The following ZNF154 variants were observed in gnomAD, a reference collection of about 807,000 sequenced individuals.
The protein encoded by ZNF154 is zinc finger protein 154 (pHZ-92).
Under a neutral mutation model 7.5 loss-of-function variants are expected in ZNF154, and 6 were observed. The ratio of observed to expected loss-of-function variants is 0.80; its 90% confidence interval spans 0.44 to 1.57. The LOEUF (loss-of-function observed/expected upper bound fraction) is 1.57, where lower values mean the gene tolerates loss of function less well. ZNF154 is among the 40% of genes most tolerant of loss of function. The pLI is 0.01. For synonymous variants in ZNF154, 187 were observed against 185.9 expected (o/e 1.01, Z -0.05); for missense variants, 485 against 531.4 (o/e 0.91, Z 0.86).
chr19:57,701,747 A>G lies in ZNF154; in HGVS notation c.1202T>C (p.Ile401Thr), dbSNP rs755377909. The G allele has an allele frequency of 1.9e-6, 3 of 1,614,138 alleles. No individual in the cohort carries two copies. The highest frequency in any genetic ancestry group is 2.5e-6 in the Non-Finnish European group (3 of 1,180,010). The change falls in exon 3 of 3, where the codon ATT becomes ACT. Residue 401 changes from isoleucine to threonine, a missense_variant. Physicochemically the swap from Ile to Thr is moderately conservative, Grantham distance 89. Transcript: ENST00000684351. ...GKSFTQNSGL[I>T]KHRRVHTGEK... ...CCCAGTGTGAACCCTCCTGTGCTTAATGAGGCCGGAATTTTGAGTAAAGGA... is the reference window on the plus strand; with the variant it reads ...CCCAGTGTGAACCCTCCTGTGCTTAGTGAGGCCGGAATTTTGAGTAAAGGA...
intron 1 of ZNF154, among the ~76,000 whole-genome samples, chr19:57,707,844 C>T (rs1188462315): frequency 6.6e-6 from 1 of 152,212 alleles, no homozygotes; most frequent in Non-Finnish European, 1.5e-5. Context: ...GGGAACACCT[C>T]AGTATAACCC....
intron 1 of ZNF154, among the ~76,000 whole-genome samples, chr19:57,706,507 C>T (rs1206825080): frequency 1.3e-5 from 2 of 152,208 alleles, no homozygotes; most frequent in African/African-American, 2.4e-5. Context: ...ACACCCTAGG[C>T]CCCATCAAAG....
chr19:57,705,544 A>G (rs1985350436), intron 1 of ZNF154, among the ~76,000 whole-genome samples: 1 of 152,142 alleles, frequency 6.6e-6, no homozygotes, highest in African/African-American at 2.4e-5. Flanking sequence ...TCACGAGGTC[A>G]GGAGTTCAAG....
At chr19:57,707,180 C>T (rs1042493233) in intron 1 of ZNF154, among the ~76,000 whole-genome samples, 1 of 151,464 alleles carries the variant, frequency 6.6e-6, no homozygotes, top group Admixed American at 6.6e-5. Context: ...CCTTAGTCCA[C>T]ACAATGACCA....
rs781064572 is a variant in ZNF154 at position 57,704,970 on chromosome 19, T to C, written c.43A>G (p.Thr15Ala). 1.2e-6 allele frequency: 2 copies of C among 1,610,668 alleles called. No homozygotes were observed. Among genetic ancestry groups the C allele is most frequent in the South Asian group, 2.2e-5 (2 of 90,718 alleles). ...TLRTPTQGTV[T>A]FEDVAVHFSW... ...AAGTGTACGGCCACATCTTCAAAGG[T>C]CACAGTGCCCTGCCACAATGGGAAC... is the stretch of plus-strand genomic sequence containing the variant. Residue 15 changes from threonine (T) to alanine (A), a missense_variant, in exon 2 of 3, where the codon ACC becomes GCC. Thr to Ala is a moderately conservative substitution (Grantham distance 58). Transcript: ENST00000684351.
intron 2 of ZNF154, among the ~76,000 whole-genome samples, chr19:57,704,321 C>G (rs1985300478): frequency 6.6e-6 from 1 of 152,154 alleles, no homozygotes; most frequent in African/African-American, 2.4e-5. Context: ...GAAGAAAGAA[C>G]AGAAGAGCAG....
chr19:57,708,798 G>T, intron 1 of ZNF154, 141 bp downstream of exon 1: 1 of 1,120,084 alleles, frequency 8.9e-7, no homozygotes, highest in South Asian at 1.5e-5. Flanking sequence ...GTCACACGCA[G>T]TGTCAAAAAA....
In ZNF154 at chr19:57,701,522, G is replaced by A. The variant is rs1033979305; in HGVS notation, c.*113C>T. 3 of 1,139,968 alleles carry A rather than the reference G, an allele frequency of 2.6e-6. No homozygotes were observed. Among genetic ancestry groups the A allele is most frequent in the Non-Finnish European group, 3.7e-6 (3 of 809,590 alleles). The allele number at this position is 1,139,968 out of a possible 1,614,324, so 70.6% of individuals were successfully genotyped here. A position where few individuals can be genotyped will look rare whatever the true frequency, so the allele number is the denominator to read the frequency against. On this transcript the variant is annotated 3_prime_UTR_variant, in exon 3 of 3. Transcript: ENST00000684351. ...AAAGTGTCTTTCCCTTGTGAACTGT[G>A]TGGCACTCAATGAGATATGGCCTTC...
At position 57,702,577 on chromosome 19, in the gene ZNF154, G is replaced by A. The variant is rs201612246; in HGVS notation, c.372C>T (p.Ala124=). The A allele has an allele frequency of 2.4e-5, 39 of 1,613,950 alleles. No individual in the cohort carries two copies. The East Asian group carries it at 8.7e-4, about 36-fold the overall frequency. Residue 124 remains alanine, a synonymous_variant, in exon 3 of 3, where the codon GCC becomes GCT. Coordinates refer to ENST00000684351, the MANE Select transcript of ZNF154 (RefSeq NM_001085384.3). ...EQSNSKSDGG[A]ISHRGKTHYN... ...AATGAGTTTTTCCTCTGTGACTGAT[G>A]GCCCCACCGTCGCTTTTGCTATTTG...
rs1046642950 is a variant in ZNF154, at chr19:57,697,587, T to C, written c.*4048A>G. The C allele has an allele frequency of 6.6e-6, 1 of 152,344 alleles. No individual in the cohort carries two copies. The highest frequency in any genetic ancestry group is 1.5e-5 in the Non-Finnish European group (1 of 68,032). The allele number at this position is 152,344 out of a possible 1,614,324, so 9.4% of individuals were successfully genotyped here. On this transcript the variant is annotated 3_prime_UTR_variant, in exon 3 of 3. Transcript: ENST00000684351. The stretch of plus-strand genomic sequence containing the variant: ...TAAAATATTTACATTTTAAAATATA[T>C]TTGTGTGATTTTTTGGGGGGTTATA...
Position 57,698,475 on chromosome 19 carries a change from A to G in ZNF154, c.*3160T>C, listed in dbSNP as rs567708913. On this transcript the variant is annotated 3_prime_UTR_variant, in exon 3 of 3. Transcript: ENST00000684351. ...AGGATGCTATCAGCAACTCTTCCCA[A>G]TTCTACATTCAGTAACATGTTGGCA... 141 of 152,320 alleles carry G rather than the reference A, an allele frequency of 9.3e-4. No individual in the cohort carries two copies. Among genetic ancestry groups the G allele is most frequent in the African/African-American group, 3.4e-3 (141 of 41,570 alleles). The allele number at this position is 152,320 out of a possible 1,614,324, so 9.4% of individuals were successfully genotyped here.
At position 57,702,397 on chromosome 19, in the gene ZNF154, A is replaced by G. The variant is rs778413433; in HGVS notation, c.552T>C (p.Thr184=). ...YSLNDHWRLH[T]GEKPYECREC... ...CTCGACATTCATAAGGCTTTTCTCC[A>G]GTGTGAAGTCTCCAATGGTCATTGA... The change falls in exon 3 of 3, where the codon ACT becomes ACC. Residue 184 remains threonine (T), a synonymous_variant. Transcript: ENST00000684351. 3.1e-6 allele frequency: 5 copies of G among 1,612,640 alleles called. No individual in the cohort carries two copies. The highest frequency in any genetic ancestry group is 1.7e-5 in the Admixed American group (1 of 59,958).
In ZNF154 at chr19:57,697,582, A is replaced by G. The variant is rs1487044493; in HGVS notation, c.*4053T>C. On this transcript the variant is annotated 3_prime_UTR_variant, in exon 3 of 3. Transcript: ENST00000684351. ...AGCGATAAAATATTTACATTTTAAA[A>G]TATATTTGTGTGATTTTTTGGGGGG... The G allele has an allele frequency of 6.6e-6, 1 of 152,212 alleles. No homozygotes were observed. The highest frequency in any genetic ancestry group is 2.4e-5 in the African/African-American group (1 of 41,456). The allele number at this position is 152,212 out of a possible 1,614,324, so 9.4% of individuals were successfully genotyped here. A position where few individuals can be genotyped will look rare whatever the true frequency, so the allele number is the denominator to read the frequency against.
Position 57,701,470 on chromosome 19 carries a change from A to G in ZNF154, c.*165T>C. 1.4e-6 allele frequency: 1 copy of G among 721,118 alleles called. No homozygotes were observed. The highest frequency in any genetic ancestry group is 2.7e-5 in the East Asian group (1 of 36,798). The allele number at this position is 721,118 out of a possible 1,614,324, so 44.7% of individuals were successfully genotyped here. On this transcript the variant is annotated 3_prime_UTR_variant, in exon 3 of 3. Transcript: ENST00000684351. Reference sequence around the variant, plus strand: ...ATAAGGGATCTCCTTCAGAGCTGTTATATCAACTGGACATCCCTACATATC... The same window carrying G: ...ATAAGGGATCTCCTTCAGAGCTGTTGTATCAACTGGACATCCCTACATATC...
chr19:57,702,829 A>G (rs1391404810), intron 2 of ZNF154, 41 bp from the exon 3 acceptor site: 10 of 1,556,108 alleles, frequency 6.4e-6, no homozygotes, highest in South Asian at 3.6e-5. Context: ...CCCCACCTCT[A>G]TATAATTTCT....
chr19:57,702,635 A>C lies in ZNF154; in HGVS notation c.314T>G (p.Leu105Arg), dbSNP rs950313810. The change falls in exon 3 of 3, where the codon CTC (leucine) becomes CGC (arginine). Residue 105 changes from leucine to arginine, a missense_variant. Leu to Arg is a moderately radical substitution (Grantham distance 102, BLOSUM62 -2). Transcript: ENST00000684351. The stretch of plus-strand genomic sequence containing the variant: ...CCCAGTGTGAGCAGCCTGTTGATGG[A>C]GAAATCCCAACTTGGCCAGGAAGTC... ...GKDFLAKLGF[L>R]HQQAAHTGEQ... is the part of the protein sequence containing the mutation. 3 of 1,613,328 alleles carry C rather than the reference A, an allele frequency of 1.9e-6. No individual in the cohort carries two copies. The highest frequency in any genetic ancestry group is 2.5e-6 in the Non-Finnish European group (3 of 1,179,720).
In ZNF154 at chr19:57,702,033, A is replaced by G. The variant is rs762447157; in HGVS notation, c.916T>C (p.Cys306Arg). Residue 306 changes from cysteine (C) to arginine (R), a missense_variant, in exon 3 of 3, where the codon TGT becomes CGT. Transcript: ENST00000684351. ...GAGTTTTGGCTAAATGACTTCCCAC[A>G]TTCGCTGCACTCATAAGGCCTGGAT... ...SGSRPYECSECGKSFSQNSSL... is the reference protein window; with the variant it reads ...SGSRPYECSERGKSFSQNSSL... 1.9e-6 allele frequency: 3 copies of G among 1,613,964 alleles called. No homozygotes were observed. The highest frequency in any genetic ancestry group is 2.2e-5 in the South Asian group (2 of 91,072).
intron 2 of ZNF154, among the ~76,000 whole-genome samples, chr19:57,703,705 A>G (rs1410444936): frequency 6.6e-6 from 1 of 151,934 alleles, no homozygotes; most frequent in East Asian, 2.0e-4. Flanking sequence ...GCTGGCCTTC[A>G]AGGACTGTTT....
chr19:57,701,296 G>A lies in ZNF154; in HGVS notation c.*339C>T. On this transcript the variant is annotated 3_prime_UTR_variant, in exon 3 of 3. Transcript: ENST00000684351. ...TGGTGGTCACCTGCCAGGCAGTAGA[G>A]GTAAAATGGCTTCCACTATAGTATC... 1 of 272,666 alleles carries A rather than the reference G, an allele frequency of 3.7e-6. No homozygotes were observed. The allele number at this position is 272,666 out of a possible 1,614,324, so 16.9% of individuals were successfully genotyped here.
Sources: allele counts gnomAD v4.1 joint callset (sites outside exome capture counted in the v4.1 genomes callset), GRCh38; gene constraint gnomAD v4.1.1; transcripts MANE v1.5; gene names NCBI Gene and HGNC (gene_info 2026-07-23, HGNC 2026-07-21).